Variants in FLYWCH2 observed in about 807,000 individuals in gnomAD.
FLYWCH2 encodes the protein FLYWCH family member 2.
A neutral mutation model predicts 6.0 loss-of-function variants in FLYWCH2; 2 were observed. The observed-to-expected ratio is 0.33, with a 90% CI of 0.14 to 1.04. The LOEUF (loss-of-function observed/expected upper bound fraction) is 1.04. Among genes scored for constraint, FLYWCH2 ranks in the 50% least tolerant of loss-of-function variants. The pLI is 0.45. For missense variants in FLYWCH2, 192 were observed against 183.4 expected, an observed-to-expected ratio of 1.05 and a Z score of -0.27; for synonymous variants, 87 against 79.3, an observed-to-expected ratio of 1.10 and a Z score of -0.52.
At chr16:2,891,432 TCTCGCCCTATCGC>T (rs1451667673) in intron 1 of FLYWCH2, among the ~76,000 whole-genome samples, 1 of 151,918 alleles carries the variant, frequency 6.6e-6, no homozygotes, top group Non-Finnish European at 1.5e-5. Context: ...TGAGATGGAG[TCTCGCCCTATCGC>T]CCAGGCTGGA....
intron 3 of FLYWCH2, among the ~76,000 whole-genome samples, chr16:2,898,299 C>G (rs1169441946): frequency 6.6e-6 from 1 of 152,160 alleles, no homozygotes; most frequent in African/African-American, 2.4e-5. Flanking sequence ...GGGACCCCGT[C>G]CTCCCAGAGC....
chr16:2,890,714 G>A (rs1596337074), intron 1 of FLYWCH2, among the ~76,000 whole-genome samples: 2 of 151,846 alleles, frequency 1.3e-5, no homozygotes, highest in Admixed American at 1.3e-4. Flanking sequence ...GAGCCACTGC[G>A]CCCAGCCACG....
chr16:2,891,366 C>G lies in FLYWCH2; in HGVS notation c.-199-3854C>G, dbSNP rs149812356. Among the ~76,000 whole-genome samples, 329 of 152,280 alleles carry G rather than the reference C, an allele frequency of 2.2e-3. 1 individual carries two copies. Among genetic ancestry groups the G allele is most frequent in the African/African-American group, 7.5e-3 (313 of 41,572 alleles). On this transcript the variant is annotated intron_variant, in intron 1 of 3. Transcript: ENST00000396958. ...CTGTGCCAGGCGCAGGCAGGAGGAC[C>G]AGAGTGGCAGGGTTCTCTCTCTCTC...
At chr16:2,894,105 A>G (rs2069790810) in intron 1 of FLYWCH2, among the ~76,000 whole-genome samples, 1 of 152,142 alleles carries the variant, frequency 6.6e-6, no homozygotes, top group Admixed American at 6.5e-5. Context: ...CTAACCTAAT[A>G]TAAGGAGGCG....
chr16:2,895,765 T>G (rs1170872906), intron 2 of FLYWCH2, among the ~76,000 whole-genome samples: 1 of 152,250 alleles, frequency 6.6e-6, no homozygotes, highest in Non-Finnish European at 1.5e-5. Context: ...ATGCTCCCTG[T>G]GACAACACAA....
rs193010005 is a variant in FLYWCH2, at chr16:2,893,543, T to C, written c.-199-1677T>C. Among the ~76,000 whole-genome samples, 3 of 152,280 alleles carry C rather than the reference T, an allele frequency of 2.0e-5. No individual in the cohort carries two copies. In the East Asian group the frequency reaches 5.8e-4, roughly 29 times the overall value. ...TTCCTGACTTTTCGCTTTGGAGAAT[T>C]AGTCAATAGTTTAGGTCTGTCTTGT... is the stretch of plus-strand genomic sequence containing the variant. On this transcript the variant is annotated intron_variant, in intron 1 of 3. Transcript: ENST00000396958.
At chr16:2,886,187 A>AT (rs945976361) in intron 1 of FLYWCH2, among the ~76,000 whole-genome samples, 15 of 146,376 alleles carry the variant, frequency 1.0e-4, no homozygotes, top group East Asian at 2.0e-4. Context: ...TATTGTTATT[A>AT]TTTTTTTTTT....
At chr16:2,890,236 T>TTG (rs1369914445) in intron 1 of FLYWCH2, among the ~76,000 whole-genome samples, 10 of 145,916 alleles carry the variant, frequency 6.9e-5, no homozygotes, top group African/African-American at 2.8e-4. Flanking sequence ...TTGTTTTTTT[T>TTG]TTTTTGTTTT....
In FLYWCH2 at chr16:2,888,091, C is replaced by G. The variant is rs140289899; in HGVS notation, c.-200+4725C>G. Among the ~76,000 whole-genome samples, 1,003 of 152,106 alleles carry G rather than the reference C, an allele frequency of 6.6e-3. 15 individuals carry two copies. The highest frequency in any genetic ancestry group is 0.023 in the African/African-American group (941 of 41,444). On this transcript the variant is annotated intron_variant, in intron 1 of 3. Transcript: ENST00000396958. ...TGGCGTGATCTCGGCTCACTGCAACCTCCGCCTCCCGGGTTCTAGCAATTC... is the reference window on the plus strand; with the variant it reads ...TGGCGTGATCTCGGCTCACTGCAACGTCCGCCTCCCGGGTTCTAGCAATTC...
rs527326497 is a variant in FLYWCH2 at position 2,891,156 on chromosome 16, T to A, written c.-199-4064T>A. On this transcript the variant is annotated intron_variant, in intron 1 of 3. Transcript: ENST00000396958. ...GGCATTTCTGACTTCAAGCATCTGC[T>A]GCCCAAGGCCATTGGCTCTGGACCA... Among the ~76,000 whole-genome samples, 31 of 152,354 alleles carry A rather than the reference T, an allele frequency of 2.0e-4. 1 individual carries two copies. The South Asian group carries it at 6.2e-3, about 31-fold the overall frequency.
At chr16:2,888,517 A>C (rs1418531945) in intron 1 of FLYWCH2, among the ~76,000 whole-genome samples, 1 of 149,398 alleles carries the variant, frequency 6.7e-6, no homozygotes, top group Non-Finnish European at 1.5e-5. Context: ...AGCTGGAATT[A>C]AGAATCTATA....
rs1029712101 is a variant in FLYWCH2, at chr16:2,883,230, C to G, written c.-336C>G. The G allele has an allele frequency of 2.6e-5, 4 of 152,296 alleles. No individual in the cohort carries two copies. Among genetic ancestry groups the G allele is most frequent in the Non-Finnish European group, 4.4e-5 (3 of 68,072 alleles). 9.4% of individuals were successfully genotyped at this position (152,296 alleles called of 1,614,324 possible). A position where few individuals can be genotyped will look rare whatever the true frequency, so the allele number is the denominator to read the frequency against. On this transcript the variant is annotated 5_prime_UTR_variant, in exon 1 of 4. Coordinates refer to ENST00000396958, the MANE Select transcript of FLYWCH2 (RefSeq NM_138439.3). Reference sequence around the variant, plus strand: ...GGCCCCAGCCAGAAGACAGGGCACCCGCGGCCTTGCTGCGCATGCTCGCGC... The same window carrying G: ...GGCCCCAGCCAGAAGACAGGGCACCGGCGGCCTTGCTGCGCATGCTCGCGC...
At chr16:2,898,213 A>T (rs1227552609) in intron 3 of FLYWCH2, among the ~76,000 whole-genome samples, 1 of 152,082 alleles carries the variant, frequency 6.6e-6, no homozygotes, top group Admixed American at 6.5e-5. Context: ...GCTTTCAAGG[A>T]ACCTAATGGA....
At chr16:2,892,192 C>CA (rs1308899019) in intron 1 of FLYWCH2, among the ~76,000 whole-genome samples, 3 of 149,162 alleles carry the variant, frequency 2.0e-5, no homozygotes, top group Non-Finnish European at 4.5e-5. Flanking sequence ...GACTTCATCT[C>CA]AAAAAAACAA....
intron 1 of FLYWCH2, among the ~76,000 whole-genome samples, chr16:2,884,126 A>T (rs554281135): frequency 2.0e-5 from 3 of 152,256 alleles, no homozygotes; most frequent in African/African-American, 7.2e-5. Flanking sequence ...GCAGCTGTCC[A>T]TATCGTCTGG....
At chr16:2,883,690 G>C (rs1219065773) in intron 1 of FLYWCH2, among the ~76,000 whole-genome samples, 2 of 152,256 alleles carry the variant, frequency 1.3e-5, no homozygotes, top group African/African-American at 4.8e-5. Context: ...TCGTCCCACG[G>C]TTGCAGCTCG....
At chr16:2,884,241 A>AT (rs1357777560) in intron 1 of FLYWCH2, among the ~76,000 whole-genome samples, 2 of 151,976 alleles carry the variant, frequency 1.3e-5, no homozygotes, top group African/African-American at 4.8e-5. Flanking sequence ...AGGGTAAGGG[A>AT]TTTGTCCTCG....
In FLYWCH2 at chr16:2,889,156, T is replaced by G. The variant is rs916142772; in HGVS notation, c.-200+5790T>G. On this transcript the variant is annotated intron_variant, in intron 1 of 3. Transcript: ENST00000396958. ...TTTGTTGTTGTTGTTGTTGTTTGTG[T>G]GTGTGTATACATGTGTATACAGTCA... Among the ~76,000 whole-genome samples, 29 of 151,606 alleles carry G rather than the reference T, an allele frequency of 1.9e-4. 1 individual carries two copies. The highest frequency in any genetic ancestry group is 7.0e-4 in the African/African-American group (29 of 41,158).
rs935833973 is a variant in FLYWCH2, at chr16:2,896,297, G to A, written c.-98-55G>A. ...TGCCCCACCTCCCTCCCAGATCCAC[G>A]TCTAGAGCCTCCCAAGGGCTTCCAC... On this transcript the variant is annotated intron_variant, in intron 2 of 3. Coordinates refer to ENST00000396958, the MANE Select transcript of FLYWCH2 (RefSeq NM_138439.3). 26 of 1,008,912 alleles carry A rather than the reference G, an allele frequency of 2.6e-5. No homozygotes were observed. The South Asian group carries it at 3.2e-4, about 12-fold the overall frequency. The allele number at this position is 1,008,912 out of a possible 1,614,324, so 62.5% of individuals were successfully genotyped here.
Sources: allele counts gnomAD v4.1 joint callset (sites outside exome capture counted in the v4.1 genomes callset), GRCh38; gene constraint gnomAD v4.1.1; transcripts MANE v1.5; gene names NCBI Gene and HGNC (gene_info 2026-07-23, HGNC 2026-07-21).